Variants in MICALL1 observed in about 807,000 individuals in gnomAD.
MICALL1 encodes the protein MICAL like 1.
In MICALL1, 61 loss-of-function variants were observed where a neutral mutation model predicts 83.7. The ratio of observed to expected loss-of-function variants is 0.73; its 90% CI spans 0.59 to 0.90. The LOEUF is 0.90. Ranked by LOEUF, MICALL1 falls within the 40% of genes least tolerant of loss-of-function variation. MICALL1 has a pLI of 0.00. For synonymous variants in MICALL1, 481 were observed against 473.6 expected (o/e 1.02, Z -0.20); for missense variants, 1,066 against 1,152.0 (o/e 0.93, Z 1.08).
chr22:37,911,788 G>A (rs929283173), intron 1 of MICALL1, among the ~76,000 whole-genome samples, 164 bp from the exon 2 acceptor site: 1 of 152,172 alleles, frequency 6.6e-6, no homozygotes, highest in South Asian at 2.1e-4. Context: ...TGCTGCCTCA[G>A]TTTCCCCCTT....
chr22:37,923,529 T>C (rs1331436315), intron 6 of MICALL1, among the ~76,000 whole-genome samples: 3 of 152,148 alleles, frequency 2.0e-5, no homozygotes, highest in African/African-American at 7.2e-5. Flanking sequence ...GCCTGGCCTG[T>C]TTCTGAGGAT....
At position 37,925,937 on chromosome 22, in the gene MICALL1, G is replaced by A. The variant is rs370265444; in HGVS notation, c.1359G>A (p.Pro453=). 2.5e-6 allele frequency: 4 copies of A among 1,613,130 alleles called. No individual in the cohort carries two copies. Among genetic ancestry groups the A allele is most frequent in the South Asian group, 1.1e-5 (1 of 91,008 alleles). The change falls in exon 8 of 16, where the codon CCG becomes CCA. Residue 453 remains proline (P), a synonymous_variant. Coordinates refer to ENST00000215957, the MANE Select transcript of MICALL1 (RefSeq NM_033386.4). ...SLATSPALGH[P]ESTPKSLHPW... ...CCACCAGCCCTGCCCTGGGCCACCCGGAGTCCACACCCAAGTCCCTGCACC... is the reference window on the plus strand; with the variant it reads ...CCACCAGCCCTGCCCTGGGCCACCCAGAGTCCACACCCAAGTCCCTGCACC...
At chr22:37,916,467 C>T (rs1356084229) in intron 3 of MICALL1, among the ~76,000 whole-genome samples, 5 of 152,228 alleles carry the variant, frequency 3.3e-5, no homozygotes, top group Admixed American at 1.3e-4. Flanking sequence ...GGAGGCAAAG[C>T]TGGCTGTTCG....
Position 37,922,168 on chromosome 22 carries a change from G to A in MICALL1, c.766G>A (p.Gly256Ser), listed in dbSNP as rs201916500. 1.8e-4 allele frequency: 287 copies of A among 1,612,870 alleles called. No individual in the cohort carries two copies. The highest frequency in any genetic ancestry group is 2.3e-4 in the Non-Finnish European group (277 of 1,179,956). ...AEDAKDVPGG[G>S]PSSSAPAGAE... ...AGATGCCAAGGATGTTCCAGGAGGC[G>A]GCCCCAGCTCCAGTGCTCCTGCAGG... The change falls in exon 6 of 16, where the codon GGC (glycine) becomes AGC (serine). Residue 256 changes from glycine to serine, a missense_variant. By Grantham distance (56) the Gly-to-Ser change is moderately conservative (BLOSUM62 0). Coordinates refer to ENST00000215957, the MANE Select transcript of MICALL1 (RefSeq NM_033386.4).
intron 4 of MICALL1, 126 bp from the exon 5 acceptor site, chr22:37,918,910 C>T: frequency 8.3e-7 from 1 of 1,207,862 alleles, no homozygotes; most frequent in Non-Finnish European, 1.1e-6. Context: ...AAGTCCATTT[C>T]CACCACGAAG....
At position 37,906,628 on chromosome 22, in the gene MICALL1, C is replaced by A. The variant is rs1181581645; in HGVS notation, c.146+60C>A. The A allele has an allele frequency of 2.6e-6, 3 of 1,132,904 alleles. No homozygotes were observed. Among genetic ancestry groups the A allele is most frequent in the East Asian group, 8.9e-5 (2 of 22,574 alleles). 70.2% of individuals were successfully genotyped at this position (1,132,904 alleles called of 1,614,324 possible). A position where few individuals can be genotyped will look rare whatever the true frequency, so the allele number is the denominator to read the frequency against. Reference sequence around the variant, plus strand: ...GGGCGGGCTGGGGCCGCGACCGCCGCCCCCCCTCAGTAACACGAAGCCCGG... The same window carrying A: ...GGGCGGGCTGGGGCCGCGACCGCCGACCCCCCTCAGTAACACGAAGCCCGG... On this transcript the variant is annotated intron_variant, in intron 1 of 15. Coordinates refer to ENST00000215957, the MANE Select transcript of MICALL1 (RefSeq NM_033386.4). The surrounding 1 kb of genome is among the most constrained non-coding windows in gnomAD (Gnocchi z 4.4).
At chr22:37,940,630 C>A in intron 15 of MICALL1, 79 bp from the exon 16 acceptor site, 1 of 1,554,978 alleles carries the variant, frequency 6.4e-7, no homozygotes, top group Non-Finnish European at 8.8e-7. Flanking sequence ...CATGCCCAGG[C>A]CTGTGTCACT....
In MICALL1 at chr22:37,927,553, C is replaced by T; in HGVS notation, c.1608C>T (p.Ser536=). ...TGGAGCCGCCAGCTGTGCCCAAGAG[C>T]TCCTCAGAGCCTGCTGTCCATGCCC... ...ELLEPPAVPK[S]SSEPAVHAPG... Residue 536 remains serine (S), a synonymous_variant, in exon 9 of 16, where the codon AGC becomes AGT. Coordinates refer to ENST00000215957, the MANE Select transcript of MICALL1 (RefSeq NM_033386.4). The T allele has an allele frequency of 6.2e-7, 1 of 1,613,752 alleles. No homozygotes were observed. Among genetic ancestry groups the T allele is most frequent in the African/African-American group, 1.3e-5 (1 of 75,050 alleles).
intron 8 of MICALL1, 180 bp from the exon 9 acceptor site, chr22:37,927,231 C>T (rs895924159): frequency 4.2e-5 from 28 of 662,626 alleles, no homozygotes; most frequent in African/African-American, 4.0e-4. Flanking sequence ...TGGCTGGATG[C>T]ACCTCATGAC....
At chr22:37,917,854 C>G (rs1180694080) in intron 4 of MICALL1, 59 bp downstream of exon 4, 15 of 1,419,590 alleles carry the variant, frequency 1.1e-5, no homozygotes, top group Non-Finnish European at 1.5e-5. Flanking sequence ...GTTATGTGGA[C>G]GACTATCATT....
Position 37,930,804 on chromosome 22 carries a change from G to T in MICALL1, c.1882-995G>T, listed in dbSNP as rs1012224594. On this transcript the variant is annotated intron_variant, in intron 9 of 15. Coordinates refer to ENST00000215957, the MANE Select transcript of MICALL1 (RefSeq NM_033386.4). The surrounding 1 kb of genome is among the most constrained non-coding windows in gnomAD (Gnocchi z 4.8). ...GGATGAGATCTTTCTCTGGCAGGGA[G>T]GGAGGTACCCTCTGACTCCATCTGC... Among the ~76,000 whole-genome samples, 1 of 152,220 alleles carries T rather than the reference G, an allele frequency of 6.6e-6. No homozygotes were observed. Among genetic ancestry groups the T allele is most frequent in the Non-Finnish European group, 1.5e-5 (1 of 68,036 alleles).
At chr22:37,931,988 C>T (rs1929816872) in intron 10 of MICALL1, 55 bp downstream of exon 10, 3 of 1,586,062 alleles carry the variant, frequency 1.9e-6, no homozygotes, top group African/African-American at 1.4e-5. Context: ...AACCCCCACT[C>T]TGCAGCTGCA....
rs371197573 is a variant in MICALL1, at chr22:37,940,836, C to G, written c.*6C>G. On this transcript the variant is annotated 3_prime_UTR_variant, in exon 16 of 16. Coordinates refer to ENST00000215957, the MANE Select transcript of MICALL1 (RefSeq NM_033386.4). The stretch of plus-strand genomic sequence containing the variant: ...CCCCCAGAGACAAGAGCTAACAGCA[C>G]GAGAAGCCAGTTGGGGACTGCCCCC... 21 of 1,613,466 alleles carry G rather than the reference C, an allele frequency of 1.3e-5. No individual in the cohort carries two copies. The Middle Eastern group carries it at 4.9e-4, about 38-fold the overall frequency.
At position 37,906,646 on chromosome 22, in the gene MICALL1, A is replaced by C. The variant is rs1927967280; in HGVS notation, c.146+78A>C. The C allele has an allele frequency of 8.9e-7, 1 of 1,118,026 alleles. No individual in the cohort carries two copies. Among genetic ancestry groups the C allele is most frequent in the Non-Finnish European group, 1.1e-6 (1 of 912,144 alleles). 69.3% of individuals were successfully genotyped at this position (1,118,026 alleles called of 1,614,324 possible). A position where few individuals can be genotyped will look rare whatever the true frequency, so the allele number is the denominator to read the frequency against. On this transcript the variant is annotated intron_variant, in intron 1 of 15. Coordinates refer to ENST00000215957, the MANE Select transcript of MICALL1 (RefSeq NM_033386.4). This position sits in a 1 kb window ranked among gnomAD's most constrained non-coding sequence, Gnocchi z 4.4. ...ACCGCCGCCCCCCCTCAGTAACACG[A>C]AGCCCGGGCGGTGACAGGCGCCGCC...
intron 15 of MICALL1, among the ~76,000 whole-genome samples, chr22:37,939,539 G>A (rs1930315993): frequency 1.3e-5 from 2 of 152,076 alleles, no homozygotes; most frequent in Non-Finnish European, 2.9e-5. Flanking sequence ...ACTTTGGGAG[G>A]CCGAGGCCGG....
chr22:37,934,219 T>C (rs1487853800), intron 13 of MICALL1, among the ~76,000 whole-genome samples: 1 of 152,214 alleles, frequency 6.6e-6, no homozygotes, highest in Non-Finnish European at 1.5e-5. Flanking sequence ...ATGTTGCTTT[T>C]GGAAGGTGAA....
At chr22:37,918,117 G>C (rs1238941510) in intron 4 of MICALL1, among the ~76,000 whole-genome samples, 1 of 152,216 alleles carries the variant, frequency 6.6e-6, no homozygotes, top group East Asian at 1.9e-4. Context: ...TCATGGGACT[G>C]TCAGGAGTTA....
At chr22:37,907,164 G>C (rs1328547029) in intron 1 of MICALL1, 2 of 153,066 alleles carry the variant, frequency 1.3e-5, no homozygotes, top group South Asian at 2.1e-4. Flanking sequence ...CCCCAACTTA[G>C]GACGCAGCCC....
Position 37,924,716 on chromosome 22 carries a change from G to T in MICALL1, c.1081G>T (p.Gly361Trp). The change falls in exon 7 of 16, where the codon GGG becomes TGG. Residue 361 changes from glycine (G) to tryptophan (W), a missense_variant and splice_region_variant. Transcript: ENST00000215957. The surrounding 1 kb of genome is among the most constrained non-coding windows in gnomAD (Gnocchi z 5.2). ...GAGGGGGACACCGAAGCCGTCCGAG[G>T]GGTATGTCGATCCCTGAGGGGCTTT... ...KPRGTPKPSE[G>W]TPAPRKDPPW... is the part of the protein sequence containing the mutation. 6.2e-7 allele frequency: 1 copy of T among 1,612,252 alleles called. No homozygotes were observed. The highest frequency in any genetic ancestry group is 8.5e-7 in the Non-Finnish European group (1 of 1,179,034).
Sources: allele counts gnomAD v4.1 joint callset (sites outside exome capture counted in the v4.1 genomes callset), GRCh38; gene constraint gnomAD v4.1.1; non-coding constraint Gnocchi (gnomAD v3.1); transcripts MANE v1.5; gene names NCBI Gene and HGNC (gene_info 2026-07-23, HGNC 2026-07-21).